ATP8A1: variants seen among roughly 807,000 people sequenced by gnomAD.
ATP8A1 encodes the protein phospholipid-transporting ATPase IA.
Under a neutral mutation model 177.7 loss-of-function variants are expected in ATP8A1, and 90 were observed. The ratio of observed to expected loss-of-function variants is 0.51; its 90% CI spans 0.43 to 0.60. The LOEUF (loss-of-function observed/expected upper bound fraction) is 0.60. Among genes scored for constraint, ATP8A1 ranks in the 20% least tolerant of loss-of-function variants. ATP8A1 has a pLI of 0.00. For missense variants in ATP8A1, 1,072 were observed against 1,392.8 expected, an observed-to-expected ratio of 0.77 and a Z score of 3.67; for synonymous variants, 493 against 485.9, an observed-to-expected ratio of 1.01 and a Z score of -0.19.
At chr4:42,485,264 G>A (rs1722075862) in intron 25 of ATP8A1, among the ~76,000 whole-genome samples, 1 of 152,132 alleles carries the variant, frequency 6.6e-6, no homozygotes, top group African/African-American at 2.4e-5. Context: ...AAAGATAATG[G>A]CAAGAAACCT....
intron 24 of ATP8A1, among the ~76,000 whole-genome samples, chr4:42,500,313 C>G (rs546109884): frequency 6.6e-6 from 1 of 151,954 alleles, no homozygotes; most frequent in Non-Finnish European, 1.5e-5. Flanking sequence ...TGCGGTGAGC[C>G]GAGATCGTGC....
chr4:42,587,223 A>G (rs1733702889), intron 8 of ATP8A1, among the ~76,000 whole-genome samples: 1 of 152,108 alleles, frequency 6.6e-6, no homozygotes, highest in African/African-American at 2.4e-5. Context: ...TTTTTAAAAA[A>G]CTTTAATTTT....
At chr4:42,635,292 T>G (rs1053514494) in intron 1 of ATP8A1, among the ~76,000 whole-genome samples, 2 of 151,958 alleles carry the variant, frequency 1.3e-5, no homozygotes, top group African/African-American at 4.8e-5. Context: ...AACCACTAAG[T>G]TTTTTGCAGA....
intron 6 of ATP8A1, among the ~76,000 whole-genome samples, chr4:42,595,863 C>T (rs2109384343): frequency 6.6e-6 from 1 of 152,242 alleles, no homozygotes; most frequent in Non-Finnish European, 1.5e-5. Context: ...CATTGTAAGA[C>T]AAAAGAAGGG....
At position 42,576,467 on chromosome 4, in the gene ATP8A1, C is replaced by T. The variant is rs528118614; in HGVS notation, c.1129-768G>A. Among the ~76,000 whole-genome samples, 344 of 65,146 alleles carry T rather than the reference C, an allele frequency of 5.3e-3. 3 individuals are homozygous for T. Among genetic ancestry groups the T allele is most frequent in the African/African-American group, 0.018 (322 of 18,224 alleles). 42.7% of individuals were successfully genotyped at this position (65,146 alleles called of 152,430 possible). A position where few individuals can be genotyped will look rare whatever the true frequency, so the allele number is the denominator to read the frequency against. On this transcript the variant is annotated intron_variant, in intron 12 of 36. Transcript: ENST00000381668. ...CTCCAGCCTGGGCGACAGAGCAAGA[C>T]GCCGTCTCAAAAAAAAAAAAAAAAA...
intron 17 of ATP8A1, among the ~76,000 whole-genome samples, chr4:42,552,166 T>C (rs113622896): frequency 1.3e-5 from 2 of 152,222 alleles, no homozygotes; most frequent in African/African-American, 4.8e-5. Flanking sequence ...TTCCTATTTG[T>C]ACCTGTGCAA....
chr4:42,476,609 AT>A (rs202095934), intron 25 of ATP8A1, among the ~76,000 whole-genome samples: 2,107 of 151,012 alleles, frequency 0.014, 38 homozygotes, highest in African/African-American at 0.048. Context: ...ACAGGGTGAG[AT>A]TAAAAAAAAA....
At chr4:42,426,356 A>G (rs1560310885) in intron 33 of ATP8A1, among the ~76,000 whole-genome samples, 1 of 152,158 alleles carries the variant, frequency 6.6e-6, no homozygotes, top group African/African-American at 2.4e-5. Context: ...TACACTATTA[A>G]TATCAGAGTG....
intron 24 of ATP8A1, among the ~76,000 whole-genome samples, chr4:42,492,459 A>T (rs922802450): frequency 2.6e-5 from 4 of 152,140 alleles, no homozygotes; most frequent in African/African-American, 9.7e-5. Context: ...GGAAGTGATT[A>T]GGTCGTGAGG....
At chr4:42,509,913 A>G (rs1419866483) in intron 22 of ATP8A1, among the ~76,000 whole-genome samples, 1 of 152,144 alleles carries the variant, frequency 6.6e-6, no homozygotes, top group Non-Finnish European at 1.5e-5. Context: ...TTCTTAAAAT[A>G]AAATTTCCCC....
chr4:42,657,084 C>G lies in ATP8A1; in HGVS notation c.-211G>C, dbSNP rs1442427654. The stretch of plus-strand genomic sequence containing the variant: ...GCGGTGGCGGCGAAGGTGGCGGCGC[C>G]CGCAGAGCTGGGCGAGCTCTTGCTG... On this transcript the variant is annotated 5_prime_UTR_variant, in exon 1 of 37. Coordinates refer to ENST00000381668, the MANE Select transcript of ATP8A1 (RefSeq NM_006095.2). 2.4e-6 allele frequency: 1 copy of G among 420,354 alleles called. No homozygotes were observed. The highest frequency in any genetic ancestry group is 1.3e-4 in the South Asian group (1 of 7,958). 26.0% of individuals were successfully genotyped at this position (420,354 alleles called of 1,614,324 possible).
intron 25 of ATP8A1, among the ~76,000 whole-genome samples, chr4:42,484,095 A>C (rs1160779464): frequency 6.6e-6 from 1 of 152,258 alleles, no homozygotes; most frequent in African/African-American, 2.4e-5. Context: ...AATCTGCCAC[A>C]TTATTCTGAT....
chr4:42,437,336 A>T (rs185848577), intron 33 of ATP8A1, among the ~76,000 whole-genome samples: 86 of 152,338 alleles, frequency 5.6e-4, no homozygotes, highest in Middle Eastern at 6.8e-3. Context: ...GAGTCGGAAA[A>T]GCAGGCCAAC....
intron 22 of ATP8A1, among the ~76,000 whole-genome samples, chr4:42,520,026 C>T (rs1037320023): frequency 5.3e-5 from 8 of 152,082 alleles, no homozygotes; most frequent in Admixed American, 3.3e-4. Flanking sequence ...GCTGGGAAAA[C>T]GTTGAACATC....
intron 9 of ATP8A1, among the ~76,000 whole-genome samples, chr4:42,582,448 T>C (rs1248609479): frequency 6.6e-6 from 1 of 151,838 alleles, no homozygotes; most frequent in Non-Finnish European, 1.5e-5. Context: ...ATAAGGAATC[T>C]GTCTACTCAC....
chr4:42,449,147 T>G (rs1717647311), intron 30 of ATP8A1, among the ~76,000 whole-genome samples: 2 of 152,204 alleles, frequency 1.3e-5, no homozygotes, highest in Non-Finnish European at 2.9e-5. Context: ...ACTTTGCACT[T>G]TGAATGGATC....
In ATP8A1 at chr4:42,412,706, C is replaced by T. The variant is rs1712754652; in HGVS notation, c.*210G>A. 1 of 448,100 alleles carries T rather than the reference C, an allele frequency of 2.2e-6. No individual in the cohort carries two copies. Among genetic ancestry groups the T allele is most frequent in the Admixed American group, 3.9e-5 (1 of 25,814 alleles). 27.8% of individuals were successfully genotyped at this position (448,100 alleles called of 1,614,324 possible). ...CCGTTTACAAAGACTTAGCAAATAC[C>T]TTAAAAAAATCCAAAAGAGATGGTG... On this transcript the variant is annotated 3_prime_UTR_variant, in exon 37 of 37. Transcript: ENST00000381668.
At chr4:42,653,900 C>G (rs937335332) in intron 1 of ATP8A1, among the ~76,000 whole-genome samples, 20 of 152,212 alleles carry the variant, frequency 1.3e-4, no homozygotes, top group Admixed American at 3.9e-4. Flanking sequence ...AAGCCATGTT[C>G]ACTTTCCCCA....
At chr4:42,606,981 T>C (rs1008030319) in intron 5 of ATP8A1, among the ~76,000 whole-genome samples, 3 of 152,210 alleles carry the variant, frequency 2.0e-5, no homozygotes, top group Non-Finnish European at 2.9e-5. Context: ...CTGATGAGTA[T>C]TTGATATTTA....
Sources: gnomAD v4.1 joint callset for allele counts (sites outside exome capture counted in the v4.1 genomes callset) on GRCh38, gnomAD v4.1.1 for gene constraint, MANE v1.5 for transcripts, NCBI Gene and HGNC (gene_info 2026-07-23, HGNC 2026-07-21) for gene names.